FGGY: variants seen among roughly 807,000 people sequenced by gnomAD.
FGGY encodes the protein FGGY carbohydrate kinase domain containing, also known as FGGY carbohydrate kinase domain-containing protein.
A neutral mutation model predicts 71.3 loss-of-function variants in FGGY; 72 were observed. That is an observed-to-expected ratio of 1.01 (90% CI 0.84 to 1.23). The LOEUF is 1.23. Among genes scored for constraint, FGGY ranks in the 50% most tolerant of loss-of-function variants. The pLI, the probability that FGGY is intolerant of heterozygous loss-of-function variation, is 0.00. For missense variants in FGGY, 668 were observed against 682.3 expected (o/e 0.98, Z 0.23); for synonymous variants, 251 against 250.3 (o/e 1.00, Z -0.02).
In FGGY at chr1:59,512,359, C is replaced by A. The variant is rs763277925; in HGVS notation, c.719C>A (p.Pro240Gln). ...PGASLGNGLT[P>Q]EAARDLGLLP... Reference sequence around the variant, plus strand: ...GCTTCTCTTGGAAATGGGCTCACACCAGAGGCAGCAAGAGACCTTGGCCTT... The same window carrying A: ...GCTTCTCTTGGAAATGGGCTCACACAAGAGGCAGCAAGAGACCTTGGCCTT... Residue 240 changes from proline (P) to glutamine (Q), a missense_variant, in exon 7 of 16, where the codon CCA becomes CAA. By Grantham distance (76) the Pro-to-Gln change is moderately conservative. This residue lies in a region of FGGY where 661 missense variants were observed against 661.6 expected (regional missense o/e 1.00). Coordinates refer to ENST00000303721, the MANE Select transcript of FGGY (RefSeq NM_018291.5). 6.2e-7 allele frequency: 1 copy of A among 1,613,750 alleles called. No homozygotes were observed.
chr1:59,460,113 C>T (rs2092050667), intron 6 of FGGY, among the ~76,000 whole-genome samples: 1 of 152,140 alleles, frequency 6.6e-6, no homozygotes, highest in Non-Finnish European at 1.5e-5. Flanking sequence ...ACCCGGGAAG[C>T]ACAAGGGGTG....
intron 14 of FGGY, among the ~76,000 whole-genome samples, chr1:59,691,582 T>A (rs2154002714): frequency 6.6e-6 from 1 of 151,998 alleles, no homozygotes; most frequent in Admixed American, 6.5e-5. Flanking sequence ...CTGGGAGGAG[T>A]CAACGAGCTG....
At chr1:59,388,351 A>T (rs943750411) in intron 5 of FGGY, among the ~76,000 whole-genome samples, 3 of 152,172 alleles carry the variant, frequency 2.0e-5, no homozygotes, top group African/African-American at 7.2e-5. Context: ...GGCTTAATCT[A>T]TTCCAGTCTC....
rs567782597 is a variant in FGGY, at chr1:59,674,835, A to G, written c.1512+702A>G. 2.0e-5 allele frequency among the ~76,000 whole-genome samples: 3 copies of G among 152,286 alleles called. No individual in the cohort carries two copies. In the South Asian group the frequency reaches 6.2e-4, roughly 32 times the overall value. Reference sequence around the variant, plus strand: ...GAGGTTTTGAGTGCTAAAATAATACAAGGTAAACAATGAATGTGGTATGGA... The same window carrying G: ...GAGGTTTTGAGTGCTAAAATAATACGAGGTAAACAATGAATGTGGTATGGA... On this transcript the variant is annotated intron_variant, in intron 14 of 15. Coordinates refer to ENST00000303721, the MANE Select transcript of FGGY (RefSeq NM_018291.5).
At chr1:59,345,717 G>GAA (rs35234505) in intron 3 of FGGY, among the ~76,000 whole-genome samples, 2,933 of 142,874 alleles carry the variant, frequency 0.021, 110 homozygotes, top group African/African-American at 0.071. Flanking sequence ...ACCAAATGAG[G>GAA]AAAAAAAAAA....
intron 14 of FGGY, chr1:59,699,035 T>A (rs1374375207): frequency 1.0e-6 from 1 of 985,278 alleles, no homozygotes; most frequent in Non-Finnish European, 1.2e-6. Flanking sequence ...AATATCAAAC[T>A]AACATAGCTA....
chr1:59,606,024 T>G (rs2096620326), intron 8 of FGGY, among the ~76,000 whole-genome samples: 2 of 152,150 alleles, frequency 1.3e-5, no homozygotes, highest in Non-Finnish European at 2.9e-5. Flanking sequence ...GCTGAATAGA[T>G]GAGAAACATG....
At chr1:59,521,746 C>T (rs1032195523) in intron 7 of FGGY, among the ~76,000 whole-genome samples, 5 of 152,198 alleles carry the variant, frequency 3.3e-5, no homozygotes, top group African/African-American at 1.2e-4. Context: ...CCTAGTTCAT[C>T]AGCCAGGGTC....
intron 6 of FGGY, among the ~76,000 whole-genome samples, chr1:59,511,440 A>C (rs1217044552): frequency 6.7e-6 from 1 of 149,908 alleles, no homozygotes; most frequent in Non-Finnish European, 1.5e-5. Context: ...AATACTATAG[A>C]ATCCTTGGGG....
chr1:59,645,276 C>T (rs190403685), intron 11 of FGGY, among the ~76,000 whole-genome samples: 5 of 152,266 alleles, frequency 3.3e-5, no homozygotes, highest in African/African-American at 1.2e-4. Flanking sequence ...GGTGTTGGCA[C>T]GATGGACAGA....
Position 59,670,690 on chromosome 1 carries a change from G to A in FGGY, c.1417+3287G>A, listed in dbSNP as rs560116074. Reference sequence around the variant, plus strand: ...TCTTATTCCATCTAGGAAGCCCCATGCCAAAAAGAAAGAGGGGCATTTGAG... The same window carrying A: ...TCTTATTCCATCTAGGAAGCCCCATACCAAAAAGAAAGAGGGGCATTTGAG... On this transcript the variant is annotated intron_variant, in intron 13 of 15. Coordinates refer to ENST00000303721, the MANE Select transcript of FGGY (RefSeq NM_018291.5). 4.1e-5 allele frequency among the ~76,000 whole-genome samples: 6 copies of A among 145,602 alleles called. No individual in the cohort carries two copies. The South Asian group carries it at 1.1e-3, about 27-fold the overall frequency.
chr1:59,375,447 A>G (rs188241582), intron 4 of FGGY, among the ~76,000 whole-genome samples: 2 of 152,124 alleles, frequency 1.3e-5, no homozygotes, highest in Non-Finnish European at 2.9e-5. Flanking sequence ...GAATATTGCT[A>G]TCTTCCCTTC....
At chr1:59,711,300 G>A (rs746251437) in intron 14 of FGGY, among the ~76,000 whole-genome samples, 1 of 152,110 alleles carries the variant, frequency 6.6e-6, no homozygotes, top group African/African-American at 2.4e-5. Context: ...AAGCAGTCGG[G>A]GGAAGGGGAG....
At chr1:59,669,020 G>A (rs1032859596) in intron 13 of FGGY, among the ~76,000 whole-genome samples, 21 of 147,924 alleles carry the variant, frequency 1.4e-4, no homozygotes, top group East Asian at 7.9e-4. Context: ...AAAGCATACA[G>A]TCTAAGGGCA....
intron 7 of FGGY, among the ~76,000 whole-genome samples, chr1:59,520,900 G>T (rs1236932107): frequency 6.6e-6 from 1 of 152,140 alleles, no homozygotes; most frequent in African/African-American, 2.4e-5. Context: ...CAAGTAGGCA[G>T]ATCAGACCAG....
At chr1:59,464,020 A>C (rs1028332867) in intron 6 of FGGY, among the ~76,000 whole-genome samples, 1 of 152,228 alleles carries the variant, frequency 6.6e-6, no homozygotes, top group African/African-American at 2.4e-5. Context: ...CAGACCTAAT[A>C]GACATCTACA....
intron 4 of FGGY, among the ~76,000 whole-genome samples, chr1:59,351,922 C>T (rs2053390744): frequency 6.6e-6 from 1 of 152,114 alleles, no homozygotes; most frequent in Non-Finnish European, 1.5e-5. Flanking sequence ...TTGAGATGTT[C>T]TAGGACCACC....
At chr1:59,744,702 C>A (rs3890336) in intron 14 of FGGY, among the ~76,000 whole-genome samples, 50,508 of 152,144 alleles carry the variant, frequency 0.33, 8,653 homozygotes, top group South Asian at 0.44. Flanking sequence ...GGATCCTACC[C>A]CTGATTCATT....
At chr1:59,372,083 C>T (rs193055369) in intron 4 of FGGY, among the ~76,000 whole-genome samples, 21 of 151,734 alleles carry the variant, frequency 1.4e-4, no homozygotes, top group African/African-American at 1.2e-4. Flanking sequence ...GGCGATAAAT[C>T]GAGACACAAA....
Sources: gnomAD v4.1 joint callset for allele counts (sites outside exome capture counted in the v4.1 genomes callset) on GRCh38, gnomAD v4.1.1 for gene constraint, gnomAD v4.1.1 regional missense constraint, MANE v1.5 for transcripts, NCBI Gene and HGNC (gene_info 2026-07-23, HGNC 2026-07-21) for gene names.